The following DIXDC1 variants were observed in gnomAD, a reference collection of about 807,000 sequenced individuals.
DIXDC1 encodes dixin.
In DIXDC1, 64 loss-of-function variants were observed where a neutral mutation model predicts 103.1. The ratio of observed to expected loss-of-function variants is 0.62; its 90% CI spans 0.51 to 0.76. The LOEUF is 0.76. Ranked by LOEUF, DIXDC1 falls within the 30% of genes least tolerant of loss-of-function variation. The pLI is 0.00. For synonymous variants in DIXDC1, 266 were observed against 298.5 expected (o/e 0.89, Z 1.12); for missense variants, 759 against 834.2 (o/e 0.91, Z 1.11).
intron 1 of DIXDC1, chr11:111,928,353 C>T (rs1328413221): frequency 4.0e-5 from 6 of 151,342 alleles, no homozygotes; most frequent in African/African-American, 1.5e-4. Context: ...AGTTCGAGAC[C>T]ACCCTGGCCA....
At chr11:111,983,881 T>A (rs1860404912) in intron 7 of DIXDC1, among the ~76,000 whole-genome samples, 1 of 152,218 alleles carries the variant, frequency 6.6e-6, no homozygotes, top group Admixed American at 6.5e-5. Flanking sequence ...TTCTTAACTC[T>A]TTTCAGTGAT....
In DIXDC1 at chr11:111,977,151, C is replaced by T. The variant is rs1170791332; in HGVS notation, c.656+2168C>T. Reference sequence around the variant, plus strand: ...TCCCCCAACCCCTCGTCGACGTCCCCACCCCCACCTCCACCCCGCCCAGCC... The same window carrying T: ...TCCCCCAACCCCTCGTCGACGTCCCTACCCCCACCTCCACCCCGCCCAGCC... On this transcript the variant is annotated intron_variant, in intron 5 of 19. Coordinates refer to ENST00000440460, the MANE Select transcript of DIXDC1 (RefSeq NM_001037954.4). The surrounding 1 kb of genome is among the most constrained non-coding windows in gnomAD (Gnocchi z 6.1). 5.1e-6 allele frequency: 3 copies of T among 584,760 alleles called. No homozygotes were observed. Among genetic ancestry groups the T allele is most frequent in the East Asian group, 1.4e-4 (1 of 6,986 alleles). 36.2% of individuals were successfully genotyped at this position (584,760 alleles called of 1,614,324 possible).
At chr11:111,957,752 T>C (rs1363064072) in intron 1 of DIXDC1, among the ~76,000 whole-genome samples, 3 of 152,230 alleles carry the variant, frequency 2.0e-5, no homozygotes, top group African/African-American at 7.2e-5. Flanking sequence ...CCTAGTGCAC[T>C]GTGAGATCTT....
At chr11:111,944,235 C>G (rs1430762704) in intron 1 of DIXDC1, among the ~76,000 whole-genome samples, 1 of 152,208 alleles carries the variant, frequency 6.6e-6, no homozygotes, top group Non-Finnish European at 1.5e-5. Context: ...CCATTCATGT[C>G]TCCTCCTGAA....
intron 1 of DIXDC1, among the ~76,000 whole-genome samples, chr11:111,953,632 A>G (rs587732883): frequency 1.3e-5 from 2 of 152,174 alleles, no homozygotes; most frequent in Non-Finnish European, 2.9e-5. Flanking sequence ...GCGATACTCC[A>G]TATCAATCAA....
intron 3 of DIXDC1, among the ~76,000 whole-genome samples, chr11:111,971,940 A>G (rs1555172109): frequency 6.6e-6 from 1 of 152,152 alleles, no homozygotes; most frequent in East Asian, 1.9e-4. Flanking sequence ...GGACATAAAG[A>G]TGGGAACAAT....
chr11:111,990,210 C>T (rs1555174396), intron 10 of DIXDC1, among the ~76,000 whole-genome samples: 2 of 151,976 alleles, frequency 1.3e-5, no homozygotes. Flanking sequence ...CCTGCCTCAG[C>T]CTCCCGAGTA....
Position 111,977,652 on chromosome 11 carries a change from G to A in DIXDC1, c.656+2669G>A. On this transcript the variant is annotated intron_variant, in intron 5 of 19. Coordinates refer to ENST00000440460, the MANE Select transcript of DIXDC1 (RefSeq NM_001037954.4). The surrounding 1 kb of genome is among the most constrained non-coding windows in gnomAD (Gnocchi z 6.1). ...TAGCTTTGCTAGCTGGCCTTCCCGT[G>A]GAGGCGTTTTCCAGCCCCAGCGCGG... The A allele has an allele frequency of 1.9e-6, 3 of 1,546,664 alleles. No individual in the cohort carries two copies. Among genetic ancestry groups the A allele is most frequent in the Non-Finnish European group, 1.7e-6 (2 of 1,144,936 alleles).
chr11:111,970,439 A>G (rs964636825), intron 3 of DIXDC1, among the ~76,000 whole-genome samples: 9 of 152,184 alleles, frequency 5.9e-5, no homozygotes, highest in Non-Finnish European at 1.2e-4. Context: ...CCCACTTACA[A>G]TGACCACACA....
intron 1 of DIXDC1, chr11:111,929,748 G>C: frequency 9.9e-7 from 1 of 1,015,192 alleles, no homozygotes; most frequent in Non-Finnish European, 1.4e-6. Context: ...CCCCAACTCG[G>C]TTAGTTGAGC....
chr11:111,964,449 G>T, intron 1 of DIXDC1, 100 bp from the exon 2 acceptor site: 4 of 1,398,780 alleles, frequency 2.9e-6, no homozygotes, highest in Non-Finnish European at 3.9e-6. Flanking sequence ...GATATGGGTT[G>T]TTTATTATAC....
chr11:111,965,681 T>G (rs1263213661), intron 2 of DIXDC1, among the ~76,000 whole-genome samples: 1 of 152,204 alleles, frequency 6.6e-6, no homozygotes, highest in African/African-American at 2.4e-5. Context: ...AAACATAATA[T>G]TATCCCCACT....
intron 17 of DIXDC1, among the ~76,000 whole-genome samples, chr11:112,015,685 C>T (rs1861562281): frequency 6.6e-6 from 1 of 151,618 alleles, no homozygotes; most frequent in African/African-American, 2.4e-5. Flanking sequence ...ACCTGTTATC[C>T]CAGCTACTCG....
At position 112,004,393 on chromosome 11, in the gene DIXDC1, C is replaced by T. The variant is rs1381050033; in HGVS notation, c.1756+8247C>T. ...AGTAAATCCTGTTGACCCCTCCGTCCCTGCTCTAGGCAAAGGTGAAGACCC... is the reference window on the plus strand; with the variant it reads ...AGTAAATCCTGTTGACCCCTCCGTCTCTGCTCTAGGCAAAGGTGAAGACCC... On this transcript the variant is annotated intron_variant, in intron 17 of 19. Transcript: ENST00000440460. Among the ~76,000 whole-genome samples the T allele has an allele frequency of 3.3e-5, 5 of 152,056 alleles. No individual in the cohort carries two copies. The South Asian group carries it at 8.3e-4, about 25-fold the overall frequency.
In DIXDC1 at chr11:111,974,076, G is replaced by T; in HGVS notation, c.370G>T (p.Ala124Ser). ...SIMRLVLALA[A>S]HFKPGSSRTV... ...CATGAGGCTGGTCCTTGCCTTGGCA[G>T]CTCATTTCAAACCTGGCTCCAGCAG... Residue 124 changes from alanine (A) to serine (S), a missense_variant, in exon 4 of 20, where the codon GCT (alanine) becomes TCT (serine). Around this residue, in one of 3 missense-constraint regions of DIXDC1, gnomAD observed 657 missense variants for 727.5 expected, o/e 0.90. Transcript: ENST00000440460. 1.9e-6 allele frequency: 3 copies of T among 1,614,016 alleles called. No homozygotes were observed. The highest frequency in any genetic ancestry group is 2.5e-6 in the Non-Finnish European group (3 of 1,179,898).
Position 111,998,660 on chromosome 11 carries a change from C to T in DIXDC1, c.1756+2514C>T, listed in dbSNP as rs1860974856. 6.6e-6 allele frequency among the ~76,000 whole-genome samples: 1 copy of T among 152,046 alleles called. No homozygotes were observed. The highest frequency in any genetic ancestry group is 2.1e-4 in the South Asian group (1 of 4,820). On this transcript the variant is annotated intron_variant, in intron 17 of 19. Transcript: ENST00000440460. The surrounding 1 kb of genome is among the most constrained non-coding windows in gnomAD (Gnocchi z 4.1). ...CAGGGTTCAAGTGATTCTCCTGCCT[C>T]AGCCTCCTGATTACAGGCGCCCGCC...
At chr11:111,945,072 G>A (rs1966548195) in intron 1 of DIXDC1, among the ~76,000 whole-genome samples, 1 of 152,188 alleles carries the variant, frequency 6.6e-6, no homozygotes, top group Non-Finnish European at 1.5e-5. Flanking sequence ...TCCAAGGAAA[G>A]GCAGAAAAAC....
intron 17 of DIXDC1, among the ~76,000 whole-genome samples, chr11:112,013,314 C>CGGGGGGGGGGGGG (rs1242498201): frequency 1.0e-4 from 1 of 9,758 alleles, no homozygotes; most frequent in Non-Finnish European, 1.2e-3. Context: ...GTTGACGGGT[C>CGGGGGGGGGGGGG]GGGGGGTGGG....
At chr11:111,929,974 A>G in intron 2 of DIXDC1, 2 of 1,414,706 alleles carry the variant, frequency 1.4e-6, no homozygotes, top group South Asian at 2.5e-5. Flanking sequence ...ATACAGTTCT[A>G]CTTCTGGGGA....
Sources: gnomAD v4.1 joint callset for allele counts (sites outside exome capture counted in the v4.1 genomes callset) on GRCh38, gnomAD v4.1.1 for gene constraint, gnomAD v4.1.1 regional missense constraint, Gnocchi (gnomAD v3.1) non-coding constraint, MANE v1.5 for transcripts, NCBI Gene and HGNC (gene_info 2026-07-23, HGNC 2026-07-21) for gene names.